PTPRD: variants seen among roughly 807,000 people sequenced by gnomAD.
The protein encoded by PTPRD is receptor-type tyrosine-protein phosphatase delta.
A neutral mutation model predicts 214.5 loss-of-function variants in PTPRD; 34 were observed. The ratio of observed to expected loss-of-function variants is 0.16; its 90% CI spans 0.12 to 0.21. PTPRD has a LOEUF of 0.21. Among genes scored for constraint, PTPRD ranks in the 10% least tolerant of loss-of-function variants. The probability of loss-of-function intolerance (pLI) is 1.00; values close to 1 mark genes in which losing one functional copy is unlikely to be tolerated. For synonymous variants in PTPRD, 1,128 were observed against 845.7 expected (o/e 1.33, Z -5.79); for missense variants, 2,545 against 2,398.7 (o/e 1.06, Z -1.27).
At chr9:10,246,948 A>G (rs1369710155) in intron 3 of PTPRD, among the ~76,000 whole-genome samples, 1 of 151,878 alleles carries the variant, frequency 6.6e-6, no homozygotes, top group South Asian at 2.1e-4. Flanking sequence ...TAAAACAAAT[A>G]AAATAAAATG....
intron 9 of PTPRD, among the ~76,000 whole-genome samples, chr9:9,218,661 A>G (rs551631625): frequency 6.6e-6 from 1 of 152,206 alleles, no homozygotes; most frequent in East Asian, 1.9e-4. Context: ...GGACTGTAAC[A>G]TATATAATGG....
chr9:9,290,603 A>C (rs907997683), intron 9 of PTPRD, among the ~76,000 whole-genome samples: 1 of 151,500 alleles, frequency 6.6e-6, no homozygotes, highest in Non-Finnish European at 1.5e-5. Context: ...TAACATATTT[A>C]TGTGTATCCA....
At chr9:8,591,979 T>G (rs1397426802) in intron 14 of PTPRD, among the ~76,000 whole-genome samples, 1 of 152,288 alleles carries the variant, frequency 6.6e-6, no homozygotes, top group East Asian at 1.9e-4. Flanking sequence ...TAGCTGTTGG[T>G]TTTACAGAAT....
intron 11 of PTPRD, among the ~76,000 whole-genome samples, chr9:8,912,236 C>A (rs560415147): frequency 6.6e-6 from 1 of 152,048 alleles, no homozygotes; most frequent in Non-Finnish European, 1.5e-5. Flanking sequence ...TCTTTATAGA[C>A]CCAACGGGAA....
At chr9:9,235,828 C>G (rs1025239860) in intron 9 of PTPRD, among the ~76,000 whole-genome samples, 3 of 151,916 alleles carry the variant, frequency 2.0e-5, no homozygotes, top group Non-Finnish European at 4.4e-5. Flanking sequence ...TATAAATTTG[C>G]TCTTAGATTC....
chr9:10,468,832 T>C (rs1283321789), intron 2 of PTPRD, among the ~76,000 whole-genome samples: 1 of 152,054 alleles, frequency 6.6e-6, no homozygotes, highest in Non-Finnish European at 1.5e-5. Flanking sequence ...TGGTGGAATA[T>C]TATCCAATGA....
chr9:10,363,991 G>GTTTTTGTTTTTTTTTTTTTTT (rs1555222212), intron 2 of PTPRD, among the ~76,000 whole-genome samples: 1 of 35,132 alleles, frequency 2.8e-5, no homozygotes, highest in Non-Finnish European at 5.5e-5. Context: ...ACATTTTCGG[G>GTTTTTGTTTTTTTTTTTTTTT]TTTTTTTTTT....
intron 4 of PTPRD, among the ~76,000 whole-genome samples, chr9:9,988,489 G>T (rs941643578): frequency 2.6e-5 from 4 of 152,066 alleles, no homozygotes; most frequent in African/African-American, 9.7e-5. Flanking sequence ...ATTAGATTTG[G>T]TATCTGTATT....
At chr9:9,131,876 G>C (rs2099843233) in intron 10 of PTPRD, among the ~76,000 whole-genome samples, 1 of 150,818 alleles carries the variant, frequency 6.6e-6, no homozygotes, top group African/African-American at 2.4e-5. Context: ...ATTTGGCAGA[G>C]GTATCAGTGA....
At chr9:8,962,699 G>T (rs1485762504) in intron 11 of PTPRD, 1 of 152,066 alleles carries the variant, frequency 6.6e-6, no homozygotes, top group Non-Finnish European at 1.5e-5. Flanking sequence ...TAACAAATTA[G>T]CTGAGTCAAG....
intron 10 of PTPRD, among the ~76,000 whole-genome samples, chr9:9,095,101 G>C (rs184747920): frequency 6.6e-6 from 1 of 152,014 alleles, no homozygotes; most frequent in Non-Finnish European, 1.5e-5. Flanking sequence ...AAACATGCTT[G>C]CTAATAGGTG....
intron 12 of PTPRD, among the ~76,000 whole-genome samples, chr9:8,730,834 T>A (rs569662757): frequency 6.6e-6 from 1 of 152,320 alleles, no homozygotes; most frequent in South Asian, 2.1e-4. Flanking sequence ...AAGAGCTTAC[T>A]CATGCTGCTC....
chr9:9,836,595 A>G (rs1051798936), intron 5 of PTPRD, among the ~76,000 whole-genome samples: 2 of 152,168 alleles, frequency 1.3e-5, no homozygotes, highest in African/African-American at 4.8e-5. Flanking sequence ...CCTGAAAGTA[A>G]TATCAATCCT....
At chr9:8,375,912 T>C (rs545912999) in intron 39 of PTPRD, 24 bp downstream of exon 39, 9 of 1,599,542 alleles carry the variant, frequency 5.6e-6, no homozygotes, top group Non-Finnish European at 7.7e-6. Context: ...GTTTCCTGAC[T>C]GCAAGTGAAC....
chr9:8,371,874 T>C (rs960650332), intron 39 of PTPRD, among the ~76,000 whole-genome samples: 6 of 151,966 alleles, frequency 3.9e-5, no homozygotes, highest in East Asian at 3.9e-4. Flanking sequence ...ATTTGGAATG[T>C]GTAGCTATCA....
intron 10 of PTPRD, among the ~76,000 whole-genome samples, chr9:9,079,628 C>T (rs919204393): frequency 1.3e-5 from 2 of 152,136 alleles, no homozygotes; most frequent in South Asian, 2.1e-4. Flanking sequence ...CTCTGAGTCC[C>T]TGAATTAGTT....
intron 35 of PTPRD, among the ~76,000 whole-genome samples, chr9:8,426,176 CAGG>C (rs2094654504): frequency 2.6e-5 from 4 of 152,134 alleles, no homozygotes; most frequent in Non-Finnish European, 5.9e-5. Flanking sequence ...GGCAATGGGC[CAGG>C]TGCCTAACAT....
chr9:8,563,982 A>G (rs1009154499), intron 14 of PTPRD, among the ~76,000 whole-genome samples: 3 of 152,156 alleles, frequency 2.0e-5, no homozygotes, highest in Non-Finnish European at 4.4e-5. Flanking sequence ...TACAATTTTC[A>G]AACTTTAGAC....
intron 10 of PTPRD, among the ~76,000 whole-genome samples, chr9:9,106,013 ACAT>A (rs2099797986): frequency 6.6e-6 from 1 of 152,074 alleles, no homozygotes; most frequent in African/African-American, 2.4e-5. Flanking sequence ...TTTCTCTAGG[ACAT>A]CATAATTAGA....
Sources: allele counts gnomAD v4.1 joint callset (sites outside exome capture counted in the v4.1 genomes callset), GRCh38; gene constraint gnomAD v4.1.1; transcripts MANE v1.5; gene names NCBI Gene and HGNC (gene_info 2026-07-23, HGNC 2026-07-21).